PDK1: variants seen among roughly 807,000 people sequenced by gnomAD.
PDK1 encodes the protein [Pyruvate dehydrogenase (acetyl-transferring)] kinase isozyme 1, mitochondrial.
A neutral mutation model predicts 54.2 loss-of-function variants in PDK1; 39 were observed. The ratio of observed to expected loss-of-function variants is 0.72; its 90% CI spans 0.56 to 0.94. The LOEUF (loss-of-function observed/expected upper bound fraction) is 0.94. Ranked by LOEUF, PDK1 falls within the 40% of genes least tolerant of loss-of-function variation. The probability of loss-of-function intolerance (pLI) is 0.00; values close to 1 mark genes in which losing one functional copy is unlikely to be tolerated. For synonymous variants in PDK1, 221 were observed against 207.1 expected, an observed-to-expected ratio of 1.07 and a Z score of -0.58; for missense variants, 552 against 566.0, an observed-to-expected ratio of 0.98 and a Z score of 0.25.
chr2:172,659,007 C>T, the PDK1 span, among the ~76,000 whole-genome samples: 17 of 152,126 alleles, frequency 1.1e-4, no homozygotes, highest in Non-Finnish European at 1.3e-4. Context: ...GATCTTTGTT[C>T]TCCTTTTTGC....
rs966503969 is a variant in PDK1 at position 172,607,882 on chromosome 2, C to T, written c.*11913C>T. 1 of 152,216 alleles carries T rather than the reference C, an allele frequency of 6.6e-6. No individual in the cohort carries two copies. Among genetic ancestry groups the T allele is most frequent in the South Asian group, 2.1e-4 (1 of 4,830 alleles). 9.4% of individuals were successfully genotyped at this position (152,216 alleles called of 1,614,324 possible). On this transcript the variant is annotated 3_prime_UTR_variant, in exon 11 of 11. Transcript: ENST00000282077. ...GTACACCATACTCAGTGTATACTTA[C>T]ACTCCAAGACATTTCCTGGGCAGTG...
At chr2:172,719,318 T>G in the PDK1 span, among the ~76,000 whole-genome samples, 1 of 152,200 alleles carries the variant, frequency 6.6e-6, no homozygotes, top group Non-Finnish European at 1.5e-5. Flanking sequence ...TTATTTCTCT[T>G]TGGTAAATGG....
the PDK1 span, among the ~76,000 whole-genome samples, chr2:172,642,976 C>T: frequency 6.6e-6 from 1 of 152,132 alleles, no homozygotes; most frequent in Non-Finnish European, 1.5e-5. Context: ...AACCTTTTCT[C>T]TTAGGACATC....
the PDK1 span, among the ~76,000 whole-genome samples, chr2:172,686,021 T>C: frequency 6.6e-6 from 1 of 152,228 alleles, no homozygotes; most frequent in Non-Finnish European, 1.5e-5. Context: ...AGGAGCTGTG[T>C]TAAGTGCTGG....
chr2:172,568,457 TA>T (rs1254216582), intron 6 of PDK1, among the ~76,000 whole-genome samples: 1 of 152,052 alleles, frequency 6.6e-6, no homozygotes, highest in South Asian at 2.1e-4. Context: ...TAAGCGATCT[TA>T]AAAAAGACTT....
chr2:172,607,056 A>G lies in PDK1; in HGVS notation c.*11087A>G, dbSNP rs1691322051. 6.6e-6 allele frequency: 1 copy of G among 152,246 alleles called. No individual in the cohort carries two copies. The highest frequency in any genetic ancestry group is 2.1e-4 in the South Asian group (1 of 4,836). 9.4% of individuals were successfully genotyped at this position (152,246 alleles called of 1,614,324 possible). The stretch of plus-strand genomic sequence containing the variant: ...TTTGTGTCTAAATTAGCTCTCAGGC[A>G]TATTGTCTTCAAAGGAATGTTTTAA... On this transcript the variant is annotated 3_prime_UTR_variant, in exon 11 of 11. Transcript: ENST00000282077.
chr2:172,654,225 T>A, the PDK1 span, among the ~76,000 whole-genome samples: 1 of 152,154 alleles, frequency 6.6e-6, no homozygotes, highest in Non-Finnish European at 1.5e-5. Context: ...TCCTCAAGGA[T>A]CTAGAACTAG....
intron 9 of PDK1, 38 bp from the exon 10 acceptor site, chr2:172,592,897 G>C (rs772526412): frequency 9.0e-7 from 1 of 1,106,866 alleles, no homozygotes. Flanking sequence ...TTCAGTGTGT[G>C]TCTTTCTGAA....
chr2:172,589,930 G>A (rs751372662), intron 9 of PDK1, among the ~76,000 whole-genome samples: 3 of 152,196 alleles, frequency 2.0e-5, no homozygotes, highest in Non-Finnish European at 4.4e-5. Context: ...AGGAACTTAA[G>A]AGCAAGAGGT....
At chr2:172,570,494 G>A in intron 7 of PDK1, 1 of 384,072 alleles carries the variant, frequency 2.6e-6, no homozygotes, top group Non-Finnish European at 4.6e-6. Flanking sequence ...TTTGAAGTCT[G>A]ACTTTGGAAA....
intron 8 of PDK1, among the ~76,000 whole-genome samples, chr2:172,583,439 G>A (rs764980402): frequency 4.6e-5 from 7 of 151,722 alleles, no homozygotes; most frequent in Non-Finnish European, 1.0e-4. Flanking sequence ...GATTACAGGC[G>A]TGCACCATGA....
the PDK1 span, among the ~76,000 whole-genome samples, chr2:172,622,409 A>G: frequency 2.1e-5 from 3 of 142,136 alleles, no homozygotes; most frequent in Non-Finnish European, 4.5e-5. Context: ...ATTATGTGAG[A>G]TATGTTTATA....
In PDK1 at chr2:172,558,733, C is replaced by T. The variant is rs747987911; in HGVS notation, c.222C>T (p.Thr74=). Reference sequence around the variant, plus strand: ...GATCAGTGAATGCTTGTGAAAAGACCTCATTTATGTTTCTGCGGCAAGAGT... The same window carrying T: ...GATCAGTGAATGCTTGTGAAAAGACTTCATTTATGTTTCTGCGGCAAGAGT... ...DFGSVNACEK[T]SFMFLRQELP... Residue 74 remains threonine, a synonymous_variant, in exon 2 of 11, where the codon ACC becomes ACT. Coordinates refer to ENST00000282077, the MANE Select transcript of PDK1 (RefSeq NM_002610.5). The T allele has an allele frequency of 6.2e-7, 1 of 1,608,786 alleles. No individual in the cohort carries two copies. Among genetic ancestry groups the T allele is most frequent in the Non-Finnish European group, 8.5e-7 (1 of 1,178,528 alleles).
chr2:172,668,678 G>A, the PDK1 span, among the ~76,000 whole-genome samples: 1 of 150,934 alleles, frequency 6.6e-6, no homozygotes, highest in South Asian at 2.1e-4. Flanking sequence ...TTATTGATTG[G>A]CCACCAGTCA....
the PDK1 span, among the ~76,000 whole-genome samples, chr2:172,718,805 T>G: frequency 6.6e-6 from 1 of 152,316 alleles, no homozygotes; most frequent in East Asian, 1.9e-4. Context: ...CTGTCTTTAT[T>G]TATCTTTTTA....
the PDK1 span, among the ~76,000 whole-genome samples, chr2:172,719,611 G>A: frequency 6.6e-6 from 1 of 151,376 alleles, no homozygotes; most frequent in Non-Finnish European, 1.5e-5. Flanking sequence ...TCCAATATAT[G>A]TTTATTTCCA....
At chr2:172,629,694 G>A in the PDK1 span, among the ~76,000 whole-genome samples, 108,294 of 152,184 alleles carry the variant, frequency 0.71, 38,979 homozygotes, top group Non-Finnish European at 0.77. Flanking sequence ...ACATTTAGCT[G>A]TCTGCAGACA....
chr2:172,555,417 G>A (rs878885948), upstream of PDK1: 5 of 152,144 alleles, frequency 3.3e-5, no homozygotes, highest in Admixed American at 3.3e-4. Flanking sequence ...GCTCAGAGAG[G>A]TTAAACAGCT....
the PDK1 span, among the ~76,000 whole-genome samples, chr2:172,640,223 A>T: frequency 6.6e-6 from 1 of 152,256 alleles, no homozygotes; most frequent in Non-Finnish European, 1.5e-5. Flanking sequence ...TTACTGGAGA[A>T]TGTAAACATT....
Sources: gnomAD v4.1 joint callset for allele counts (sites outside exome capture counted in the v4.1 genomes callset) on GRCh38, gnomAD v4.1.1 for gene constraint, MANE v1.5 for transcripts, NCBI Gene and HGNC (gene_info 2026-07-23, HGNC 2026-07-21) for gene names.